The following GRM5 variants were observed in gnomAD, a reference collection of about 807,000 sequenced individuals.
GRM5 encodes metabotropic glutamate receptor 5.
Under a neutral mutation model 83.1 loss-of-function variants are expected in GRM5, and 19 were observed. That is an observed-to-expected ratio of 0.23 (90% CI 0.16 to 0.34). The LOEUF is 0.34. GRM5 is among the 10% of genes least tolerant of loss of function. The pLI, the probability that GRM5 is intolerant of heterozygous loss-of-function variation, is 1.00. For missense variants in GRM5, 1,160 were observed against 1,588.3 expected, an observed-to-expected ratio of 0.73 and a Z score of 4.58; for synonymous variants, 675 against 633.6, an observed-to-expected ratio of 1.07 and a Z score of -0.98.
Position 88,725,928 on chromosome 11 carries a change from A to G in GRM5, c.912-72525T>C, listed in dbSNP as rs369466849. Among the ~76,000 whole-genome samples the G allele has an allele frequency of 8.6e-4, 131 of 152,244 alleles. No individual in the cohort carries two copies. The Middle Eastern group carries it at 0.014, about 16-fold the overall frequency. On this transcript the variant is annotated intron_variant, in intron 3 of 9. Coordinates refer to ENST00000305447, the MANE Select transcript of GRM5 (RefSeq NM_001143831.3). ...AGGTAGATAAATCCACGAAGATGAG[A>G]AAAAAACAGTGCAAAAAGGTTGAAC...
At chr11:88,588,066 A>G (rs955181244) in intron 7 of GRM5, among the ~76,000 whole-genome samples, 3 of 152,202 alleles carry the variant, frequency 2.0e-5, no homozygotes, top group Non-Finnish European at 2.9e-5. Flanking sequence ...TTTTGGATAC[A>G]TTATTCAGTA....
intron 3 of GRM5, among the ~76,000 whole-genome samples, chr11:88,778,619 T>A (rs1235289304): frequency 6.6e-6 from 1 of 152,196 alleles, no homozygotes; most frequent in African/African-American, 2.4e-5. Context: ...ATGTTGTTAT[T>A]AAAATACTTA....
intron 4 of GRM5, among the ~76,000 whole-genome samples, chr11:88,639,373 G>C (rs1939227797): frequency 6.6e-6 from 1 of 152,084 alleles, no homozygotes; most frequent in Non-Finnish European, 1.5e-5. Context: ...TCTCACTTTA[G>C]AAGGGTCACA....
chr11:88,728,872 T>A (rs1941742523), intron 3 of GRM5, among the ~76,000 whole-genome samples: 1 of 152,100 alleles, frequency 6.6e-6, no homozygotes, highest in South Asian at 2.1e-4. Flanking sequence ...ATGGAACGTA[T>A]CTCAAAATAA....
intron 4 of GRM5, among the ~76,000 whole-genome samples, chr11:88,646,747 A>G (rs1244200476): frequency 3.3e-5 from 5 of 152,010 alleles, no homozygotes; most frequent in Non-Finnish European, 5.9e-5. Flanking sequence ...GACAAAATGA[A>G]CTAACACAAA....
intron 7 of GRM5, among the ~76,000 whole-genome samples, chr11:88,588,757 T>A (rs1937594570): frequency 6.6e-6 from 1 of 152,150 alleles, no homozygotes; most frequent in Admixed American, 6.5e-5. Flanking sequence ...ATATATAATT[T>A]GTCAGTGAGG....
chr11:88,750,095 C>T (rs1942234406), intron 3 of GRM5, among the ~76,000 whole-genome samples: 1 of 152,032 alleles, frequency 6.6e-6, no homozygotes, highest in South Asian at 2.1e-4. Flanking sequence ...CAATACTAAC[C>T]TTAAATGTAA....
intron 1 of GRM5, among the ~76,000 whole-genome samples, chr11:89,049,510 G>A (rs912076899): frequency 5.9e-5 from 9 of 152,030 alleles, no homozygotes; most frequent in Admixed American, 2.0e-4. Context: ...TGTAAATATC[G>A]CACTTTTACA....
intron 8 of GRM5, among the ~76,000 whole-genome samples, chr11:88,543,232 T>A (rs1392262069): frequency 6.6e-6 from 1 of 152,232 alleles, no homozygotes; most frequent in African/African-American, 2.4e-5. Flanking sequence ...CGATAAGAGC[T>A]GATTAAGTGA....
At chr11:88,601,256 A>G (rs1591374393) in intron 5 of GRM5, among the ~76,000 whole-genome samples, 1 of 152,206 alleles carries the variant, frequency 6.6e-6, no homozygotes, top group Non-Finnish European at 1.5e-5. Context: ...AGAGACATAT[A>G]TCAAGAATCC....
chr11:88,758,358 A>C (rs1051479968), intron 3 of GRM5, among the ~76,000 whole-genome samples: 2 of 152,202 alleles, frequency 1.3e-5, no homozygotes, highest in African/African-American at 4.8e-5. Flanking sequence ...ATGAGTTGAC[A>C]GACAAAATGG....
intron 2 of GRM5, among the ~76,000 whole-genome samples, chr11:88,899,966 TAAG>T (rs934603766): frequency 9.9e-5 from 15 of 152,196 alleles, no homozygotes; most frequent in African/African-American, 3.1e-4. Flanking sequence ...TAATAAAATG[TAAG>T]AAGACTTTAA....
chr11:88,565,254 T>C (rs141320198), intron 8 of GRM5, among the ~76,000 whole-genome samples: 58 of 152,360 alleles, frequency 3.8e-4, no homozygotes, highest in African/African-American at 1.3e-3. Flanking sequence ...TTCAATAAAG[T>C]GCCTACTATG....
At chr11:88,880,212 G>A (rs1944929502) in intron 2 of GRM5, among the ~76,000 whole-genome samples, 1 of 151,920 alleles carries the variant, frequency 6.6e-6, no homozygotes, top group African/African-American at 2.4e-5. Context: ...GAGAAAAGGA[G>A]CATGAAATAA....
chr11:88,736,891 C>A (rs1941925965), intron 3 of GRM5, among the ~76,000 whole-genome samples: 1 of 152,032 alleles, frequency 6.6e-6, no homozygotes, highest in Admixed American at 6.6e-5. Flanking sequence ...AAAGGTCTGA[C>A]CCCTATGCTA....
chr11:88,788,753 G>T (rs1315624261), intron 3 of GRM5, among the ~76,000 whole-genome samples: 2 of 152,162 alleles, frequency 1.3e-5, no homozygotes, highest in South Asian at 4.1e-4. Flanking sequence ...AATTCTGTCA[G>T]TTGCTAGGGA....
At chr11:88,566,703 A>G (rs1207374002) in intron 8 of GRM5, among the ~76,000 whole-genome samples, 1 of 152,102 alleles carries the variant, frequency 6.6e-6, no homozygotes, top group Non-Finnish European at 1.5e-5. Context: ...GTTCTGGTGA[A>G]CTAGAATTTA....
intron 4 of GRM5, among the ~76,000 whole-genome samples, chr11:88,625,138 T>TA (rs1938757088): frequency 6.6e-6 from 1 of 152,122 alleles, no homozygotes; most frequent in African/African-American, 2.4e-5. Flanking sequence ...ATGCACATCT[T>TA]ACAATAGTAA....
At chr11:88,808,821 T>C (rs1279021176) in intron 3 of GRM5, among the ~76,000 whole-genome samples, 1 of 152,062 alleles carries the variant, frequency 6.6e-6, no homozygotes, top group Non-Finnish European at 1.5e-5. Flanking sequence ...ACTAATAATG[T>C]ACCTCGAAAT....
Sources: allele counts gnomAD v4.1 joint callset (sites outside exome capture counted in the v4.1 genomes callset), GRCh38; gene constraint gnomAD v4.1.1; transcripts MANE v1.5; gene names NCBI Gene and HGNC (gene_info 2026-07-23, HGNC 2026-07-21).